Variants in ZNF407 observed in about 807,000 individuals in gnomAD.
The protein encoded by ZNF407 is zinc finger protein 407.
A neutral mutation model predicts 131.2 loss-of-function variants in ZNF407; 17 were observed. The observed-to-expected ratio is 0.13, with a 90% confidence interval of 0.09 to 0.19. The LOEUF is 0.19. Among genes scored for constraint, ZNF407 ranks in the 10% least tolerant of loss-of-function variants. ZNF407 has a pLI of 1.00. For missense variants in ZNF407, 2,681 were observed against 2,830.6 expected, an observed-to-expected ratio of 0.95 and a Z score of 1.20; for synonymous variants, 1,156 against 1,062.0, an observed-to-expected ratio of 1.09 and a Z score of -1.72.
At position 75,049,048 on chromosome 18, in the gene ZNF407, C is replaced by A. The variant is rs540792131; in HGVS notation, c.5429-14102C>A. ...AAATCTGAGTGGTGAGTGCTCATGG[C>A]CACCTCGTTGTTTTTCCAAATAACA... On this transcript the variant is annotated intron_variant, in intron 8 of 8. Transcript: ENST00000299687. 5.4e-4 allele frequency among the ~76,000 whole-genome samples: 72 copies of A among 133,842 alleles called. 2 individuals carry two copies. Among genetic ancestry groups the A allele is most frequent in the African/African-American group, 1.8e-3 (64 of 34,706 alleles). 87.8% of individuals were successfully genotyped at this position (133,842 alleles called of 152,430 possible).
At chr18:74,881,191 T>C in intron 6 of ZNF407, 72 bp downstream of exon 6, 1 of 1,337,422 alleles carries the variant, frequency 7.5e-7, no homozygotes, top group Non-Finnish European at 1.0e-6. Context: ...CAATTCTTGA[T>C]GTCATCATTT....
intron 4 of ZNF407, among the ~76,000 whole-genome samples, chr18:74,800,851 C>T (rs929783677): frequency 1.3e-5 from 2 of 152,092 alleles, no homozygotes; most frequent in African/African-American, 4.8e-5. Flanking sequence ...TTTGCCCTAT[C>T]ACTGATAACT....
At chr18:74,763,616 G>A (rs540124225) in intron 3 of ZNF407, among the ~76,000 whole-genome samples, 1 of 151,530 alleles carries the variant, frequency 6.6e-6, no homozygotes, top group African/African-American at 2.4e-5. Flanking sequence ...AAGTGTGTAA[G>A]GTATAAAATG....
chr18:74,690,405 G>A (rs185250287), intron 3 of ZNF407, among the ~76,000 whole-genome samples: 1 of 151,072 alleles, frequency 6.6e-6, no homozygotes, highest in Admixed American at 6.6e-5. Context: ...AAACATTTTG[G>A]GGGAAATGTC....
At chr18:74,934,267 A>G (rs1378635287) in intron 8 of ZNF407, among the ~76,000 whole-genome samples, 6 of 152,226 alleles carry the variant, frequency 3.9e-5, no homozygotes, top group Admixed American at 1.3e-4. Flanking sequence ...GTATAGATGA[A>G]TTTAATCACT....
chr18:74,981,416 G>A (rs1157386782), intron 8 of ZNF407, among the ~76,000 whole-genome samples: 1 of 152,226 alleles, frequency 6.6e-6, no homozygotes, highest in African/African-American at 2.4e-5. Flanking sequence ...GAGACCCGAG[G>A]GCCACCAAGG....
intron 8 of ZNF407, among the ~76,000 whole-genome samples, chr18:74,947,603 G>A (rs143836160): frequency 2.0e-5 from 3 of 152,136 alleles, no homozygotes; most frequent in Admixed American, 6.5e-5. Flanking sequence ...ACAAAACATC[G>A]GCTGCTCTCT....
At position 74,924,568 on chromosome 18, in the gene ZNF407, T is replaced by C. The variant is rs116666978; in HGVS notation, c.5428+3876T>C. On this transcript the variant is annotated intron_variant, in intron 8 of 8. Coordinates refer to ENST00000299687, the MANE Select transcript of ZNF407 (RefSeq NM_017757.3). ...AATTATATTTCTACCATGTTGCCCATCCATAAATAAGCTTGGTACTCATTC... is the reference window on the plus strand; with the variant it reads ...AATTATATTTCTACCATGTTGCCCACCCATAAATAAGCTTGGTACTCATTC... Among the ~76,000 whole-genome samples, 440 of 152,272 alleles carry C rather than the reference T, an allele frequency of 2.9e-3. 1 individual carries two copies. Among genetic ancestry groups the C allele is most frequent in the African/African-American group, 0.01 (417 of 41,544 alleles).
At chr18:74,674,254 A>G (rs138439901) in intron 3 of ZNF407, among the ~76,000 whole-genome samples, 1 of 152,316 alleles carries the variant, frequency 6.6e-6, no homozygotes, top group African/African-American at 2.4e-5. Context: ...GAGCTGGAGC[A>G]TATGGCTGTG....
At chr18:74,944,007 A>G (rs1568278449) in intron 8 of ZNF407, among the ~76,000 whole-genome samples, 2 of 152,158 alleles carry the variant, frequency 1.3e-5, no homozygotes, top group African/African-American at 2.4e-5. Flanking sequence ...AGGAAGTAAT[A>G]TTTCCCCCCT....
intron 4 of ZNF407, among the ~76,000 whole-genome samples, chr18:74,857,933 C>A (rs1326561242): frequency 2.3e-5 from 3 of 129,406 alleles, no homozygotes; most frequent in African/African-American, 8.7e-5. Context: ...TCTCCCCTCC[C>A]CTCCCCTCCC....
intron 3 of ZNF407, among the ~76,000 whole-genome samples, chr18:74,694,302 C>G (rs1046490392): frequency 6.6e-6 from 1 of 152,152 alleles, no homozygotes; most frequent in African/African-American, 2.4e-5. Flanking sequence ...CGTTTCGTGT[C>G]TCTTCCGAAG....
intron 8 of ZNF407, among the ~76,000 whole-genome samples, chr18:74,974,945 T>A (rs1188820144): frequency 5.9e-5 from 9 of 152,210 alleles, no homozygotes; most frequent in Non-Finnish European, 8.8e-5. Context: ...ATTAGTGAAA[T>A]CTTAGTTGAT....
Position 74,635,356 on chromosome 18 carries a change from G to A in ZNF407, c.4337G>A (p.Cys1446Tyr). The change falls in exon 2 of 9, where the codon TGT (cysteine) becomes TAT (tyrosine). Residue 1446 changes from cysteine (C) to tyrosine (Y), a missense_variant. Transcript: ENST00000299687. This position sits in a 1 kb window ranked among gnomAD's most constrained non-coding sequence, Gnocchi z 4.7. ...KHPTKEKHFHCLLCGKSFYTE... is the reference protein window; with the variant it reads ...KHPTKEKHFHYLLCGKSFYTE... ...CCTACAAAAGAGAAGCACTTCCATTGTTTACTCTGTGGAAAGTCGTTCTAT... is the reference window on the plus strand; with the variant it reads ...CCTACAAAAGAGAAGCACTTCCATTATTTACTCTGTGGAAAGTCGTTCTAT... 6.2e-7 allele frequency: 1 copy of A among 1,613,976 alleles called. No homozygotes were observed. The highest frequency in any genetic ancestry group is 8.5e-7 in the Non-Finnish European group (1 of 1,179,888).
At chr18:74,830,704 G>T (rs1393239031) in intron 4 of ZNF407, among the ~76,000 whole-genome samples, 1 of 152,190 alleles carries the variant, frequency 6.6e-6, no homozygotes, top group Non-Finnish European at 1.5e-5. Context: ...ATTATGTATG[G>T]TGATCAGATC....
At position 74,622,454 on chromosome 18, in the gene ZNF407, G is replaced by A. The variant is rs371373351; in HGVS notation, c.-53-8513G>A. 2.0e-4 allele frequency among the ~76,000 whole-genome samples: 31 copies of A among 152,076 alleles called. No homozygotes were observed. In the East Asian group the frequency reaches 4.1e-3, roughly 20 times the overall value. ...TCCGGCCTTGCCCTGCGAGGAGCAG[G>A]GAATCCAGTTCTGCTGGAGGGCGGT... On this transcript the variant is annotated intron_variant, in intron 1 of 8. Coordinates refer to ENST00000299687, the MANE Select transcript of ZNF407 (RefSeq NM_017757.3).
chr18:75,014,385 A>C (rs1027271250), intron 8 of ZNF407, among the ~76,000 whole-genome samples: 5 of 151,896 alleles, frequency 3.3e-5, no homozygotes, highest in Non-Finnish European at 5.9e-5. Flanking sequence ...GAGTGCCCCC[A>C]TGTTAATTTC....
chr18:74,644,061 C>CT (rs1447409616), intron 3 of ZNF407, among the ~76,000 whole-genome samples: 5 of 151,850 alleles, frequency 3.3e-5, no homozygotes, highest in African/African-American at 1.2e-4. Flanking sequence ...GGTTTACCTG[C>CT]TCATGTCATG....
intron 4 of ZNF407, among the ~76,000 whole-genome samples, chr18:74,835,752 A>G (rs188571232): frequency 4.9e-4 from 75 of 152,150 alleles, no homozygotes; most frequent in Non-Finnish European, 8.7e-4. Flanking sequence ...CTCAACCAAT[A>G]TTTAATTTAT....
Sources: gnomAD v4.1 joint callset for allele counts (sites outside exome capture counted in the v4.1 genomes callset) on GRCh38, gnomAD v4.1.1 for gene constraint, Gnocchi (gnomAD v3.1) non-coding constraint, MANE v1.5 for transcripts, NCBI Gene and HGNC (gene_info 2026-07-23, HGNC 2026-07-21) for gene names.